The following CENPC variants were observed in gnomAD, a reference collection of about 807,000 sequenced individuals.
The protein encoded by CENPC is centromere protein C.
CENPC carries 63 observed loss-of-function variants against 112.1 expected under a neutral mutation model. The ratio of observed to expected loss-of-function variants is 0.56; its 90% CI spans 0.46 to 0.69. The LOEUF (loss-of-function observed/expected upper bound fraction) is 0.69. Ranked by LOEUF, CENPC falls within the 30% of genes least tolerant of loss-of-function variation. The pLI is 0.00. For missense variants in CENPC, 1,000 were observed against 1,103.8 expected (o/e 0.91, Z 1.33); for synonymous variants, 333 against 367.6 (o/e 0.91, Z 1.08).
intron 5 of CENPC, among the ~76,000 whole-genome samples, chr4:67,527,954 G>A (rs1398147450): frequency 6.6e-6 from 1 of 151,902 alleles, no homozygotes; most frequent in Non-Finnish European, 1.5e-5. Context: ...AACAGACATG[G>A]ATACCTAATA....
intron 17 of CENPC, among the ~76,000 whole-genome samples, chr4:67,481,568 T>C (rs184566389): frequency 2.4e-4 from 37 of 152,208 alleles, no homozygotes; most frequent in Middle Eastern, 3.4e-3. Context: ...ACATAGACCA[T>C]GGAACTGAAT....
chr4:67,541,307 G>C (rs1284926249), intron 2 of CENPC, among the ~76,000 whole-genome samples: 1 of 152,070 alleles, frequency 6.6e-6, no homozygotes, highest in Admixed American at 6.6e-5. Flanking sequence ...GTCTAAAGCT[G>C]TTTTAGATTA....
In CENPC at chr4:67,540,882, C is replaced by T; in HGVS notation, c.136+98G>A. 5 of 855,512 alleles carry T rather than the reference C, an allele frequency of 5.8e-6. No individual in the cohort carries two copies. In the East Asian group the frequency reaches 1.1e-4, roughly 19 times the overall value. The allele number at this position is 855,512 out of a possible 1,614,324, so 53.0% of individuals were successfully genotyped here. A position where few individuals can be genotyped will look rare whatever the true frequency, so the allele number is the denominator to read the frequency against. ...GGAAAATATTTTCCATATATTTAAACCCTAGAACATATTTGCTGCATTTGA... is the reference window on the plus strand; with the variant it reads ...GGAAAATATTTTCCATATATTTAAATCCTAGAACATATTTGCTGCATTTGA... On this transcript the variant is annotated intron_variant, in intron 3 of 18. Coordinates refer to ENST00000273853, the MANE Select transcript of CENPC (RefSeq NM_001812.4).
intron 16 of CENPC, among the ~76,000 whole-genome samples, chr4:67,491,480 TAGAGAGAGAGAGAGAGAGAG>T (rs71219046): frequency 4.4e-4 from 8 of 18,104 alleles, no homozygotes; most frequent in African/African-American, 1.4e-3. Context: ...TATATATATA[TAGAGAGAGAGAGAGAGAGAG>T]AGAGAGAGAG....
At chr4:67,492,801 G>A in intron 15 of CENPC, 68 bp downstream of exon 15, 3 of 1,427,018 alleles carry the variant, frequency 2.1e-6, no homozygotes, top group Non-Finnish European at 2.8e-6. Flanking sequence ...ATTTTGCAAA[G>A]AGCTTCTTCT....
chr4:67,504,994 A>C (rs1419991197), intron 12 of CENPC: 1 of 537,158 alleles, frequency 1.9e-6, no homozygotes, highest in East Asian at 3.3e-5. Context: ...TTAAGTGCCA[A>C]TATTTCATTA....
intron 17 of CENPC, among the ~76,000 whole-genome samples, chr4:67,482,932 T>C (rs538971999): frequency 2.0e-4 from 30 of 152,236 alleles, no homozygotes; most frequent in African/African-American, 6.7e-4. Context: ...CCACATGTCA[T>C]GGGAGGGACC....
At position 67,518,320 on chromosome 4, in the gene CENPC, AT is replaced by A; in HGVS notation, c.665del (p.Asn222IlefsTer46). The A allele has an allele frequency of 6.5e-7, 1 of 1,543,300 alleles. No homozygotes were observed. The highest frequency in any genetic ancestry group is 8.7e-7 in the Non-Finnish European group (1 of 1,145,976). ...KVMLKKIEID[N>X]KVSDEEDKTS... ...TTTTATCCTCTTCATCTGATACTTT[AT>A]TATCTATTTCTATTTTCTTTAACAT... On this transcript the variant is annotated frameshift_variant, in exon 7 of 19. Coordinates refer to ENST00000273853, the MANE Select transcript of CENPC (RefSeq NM_001812.4). LOFTEE classifies it high-confidence loss of function.
chr4:67,517,534 G>A (rs548407306), intron 7 of CENPC, among the ~76,000 whole-genome samples: 44 of 150,534 alleles, frequency 2.9e-4, no homozygotes, highest in Middle Eastern at 3.4e-3. Context: ...CTAACATAAC[G>A]ATTTCTAAAT....
chr4:67,474,071 ATT>A (rs34738158), intron 18 of CENPC, among the ~76,000 whole-genome samples: 8 of 149,380 alleles, frequency 5.4e-5, no homozygotes, highest in East Asian at 2.0e-4. Flanking sequence ...ACATAAATGT[ATT>A]TTTTTTTTTG....
intron 4 of CENPC, among the ~76,000 whole-genome samples, chr4:67,535,360 G>A (rs1389961017): frequency 6.6e-6 from 1 of 151,674 alleles, no homozygotes; most frequent in Admixed American, 6.6e-5. Flanking sequence ...TTGCAATTCA[G>A]GAGAAAAGCA....
At chr4:67,543,242 C>A (rs747502260) in intron 2 of CENPC, among the ~76,000 whole-genome samples, 8 of 152,122 alleles carry the variant, frequency 5.3e-5, no homozygotes, top group African/African-American at 1.7e-4. Flanking sequence ...ACATATTCAA[C>A]CTTCTTAAAT....
At chr4:67,473,543 G>A (rs1283006617) in intron 18 of CENPC, among the ~76,000 whole-genome samples, 1 of 152,052 alleles carries the variant, frequency 6.6e-6, no homozygotes, top group Non-Finnish European at 1.5e-5. Flanking sequence ...CATGGACATA[G>A]TAGACACTTT....
chr4:67,514,516 C>T lies in CENPC; in HGVS notation c.1002G>A (p.Pro334=), dbSNP rs779006476. The change falls in exon 8 of 19, where the codon CCG becomes CCA. Residue 334 remains proline, a synonymous_variant. Coordinates refer to ENST00000273853, the MANE Select transcript of CENPC (RefSeq NM_001812.4). Reference sequence around the variant, plus strand: ...CTTGAAGGAGTGCAGTGCTCTCAGCCGGGGATATTGTGCGTTGTTTCAGAG... The same window carrying T: ...CTTGAAGGAGTGCAGTGCTCTCAGCTGGGGATATTGTGCGTTGTTTCAGAG... ...AGSLKQRTIS[P]AESTALLQGR... The T allele has an allele frequency of 5.6e-6, 9 of 1,612,980 alleles. No individual in the cohort carries two copies. Among genetic ancestry groups the T allele is most frequent in the East Asian group, 2.2e-5 (1 of 44,774 alleles).
chr4:67,518,335 T>C lies in CENPC; in HGVS notation c.651A>G (p.Lys217=), dbSNP rs1726120123. The change falls in exon 7 of 19, where the codon AAA becomes AAG. Residue 217 remains lysine, a synonymous_variant. Coordinates refer to ENST00000273853, the MANE Select transcript of CENPC (RefSeq NM_001812.4). ...LNFDDKVMLK[K]IEIDNKVSDE... ...CTGATACTTTATTATCTATTTCTATTTTCTTTAACATAACTTTATCATCAA... is the reference window on the plus strand; with the variant it reads ...CTGATACTTTATTATCTATTTCTATCTTCTTTAACATAACTTTATCATCAA... 6.5e-7 allele frequency: 1 copy of C among 1,534,244 alleles called. No homozygotes were observed.
At chr4:67,527,403 AC>A (rs1726414038) in intron 5 of CENPC, among the ~76,000 whole-genome samples, 1 of 152,084 alleles carries the variant, frequency 6.6e-6, no homozygotes, top group Non-Finnish European at 1.5e-5. Flanking sequence ...CCTATAAAAA[AC>A]ATCTATTAAA....
intron 7 of CENPC, among the ~76,000 whole-genome samples, chr4:67,515,348 C>T (rs1165900697): frequency 6.6e-6 from 1 of 151,716 alleles, no homozygotes; most frequent in African/African-American, 2.4e-5. Flanking sequence ...TGCCTGTAAT[C>T]CCAGCTACTT....
chr4:67,510,164 A>G (rs1725855123), intron 9 of CENPC, among the ~76,000 whole-genome samples: 2 of 152,196 alleles, frequency 1.3e-5, no homozygotes, highest in Non-Finnish European at 2.9e-5. Context: ...TTTGCAGAGC[A>G]GGGCCCAGTA....
chr4:67,476,669 AT>A (rs1724813219), intron 17 of CENPC, among the ~76,000 whole-genome samples: 2 of 152,194 alleles, frequency 1.3e-5, no homozygotes, highest in Non-Finnish European at 2.9e-5. Flanking sequence ...CCTGGGCAGA[AT>A]TGGGGGAAGG....
Sources: gnomAD v4.1 joint callset for allele counts (sites outside exome capture counted in the v4.1 genomes callset) on GRCh38, gnomAD v4.1.1 for gene constraint, MANE v1.5 for transcripts, NCBI Gene and HGNC (gene_info 2026-07-23, HGNC 2026-07-21) for gene names.